Variants in CACNA1C observed in about 807,000 individuals in gnomAD.
The protein encoded by CACNA1C is voltage-dependent L-type calcium channel subunit alpha-1C.
A neutral mutation model predicts 229.0 loss-of-function variants in CACNA1C; 30 were observed. The observed-to-expected ratio is 0.13, with a 90% CI of 0.10 to 0.18. CACNA1C has a LOEUF of 0.18. CACNA1C is among the 10% of genes least tolerant of loss of function. The probability of loss-of-function intolerance (pLI) is 1.00; values close to 1 mark genes in which losing one functional copy is unlikely to be tolerated. For missense variants in CACNA1C, 1,658 were observed against 2,845.0 expected, an observed-to-expected ratio of 0.58 and a Z score of 9.49; for synonymous variants, 1,114 against 1,132.5, an observed-to-expected ratio of 0.98 and a Z score of 0.33.
chr12:2,139,790 G>A (rs781584702), intron 3 of CACNA1C, among the ~76,000 whole-genome samples: 4 of 151,326 alleles, frequency 2.6e-5, no homozygotes, highest in Non-Finnish European at 5.9e-5. Context: ...TCAGACATGC[G>A]CCCTAAAGAT....
At chr12:2,451,086 T>G (rs1285120821) in intron 4 of CACNA1C, among the ~76,000 whole-genome samples, 1 of 152,162 alleles carries the variant, frequency 6.6e-6, no homozygotes, top group East Asian at 1.9e-4. Flanking sequence ...TCAGGAATAT[T>G]TGGGTGATAC....
At chr12:2,433,349 G>T (rs1319056139) in intron 3 of CACNA1C, among the ~76,000 whole-genome samples, 2 of 152,174 alleles carry the variant, frequency 1.3e-5, no homozygotes, top group South Asian at 2.1e-4. Context: ...GTCTTAGCCT[G>T]GGTAAGCCCA....
intron 3 of CACNA1C, among the ~76,000 whole-genome samples, chr12:2,407,364 G>A (rs1032556550): frequency 2.1e-5 from 2 of 95,366 alleles, no homozygotes; most frequent in Non-Finnish European, 4.6e-5. Context: ...AGTGGACATC[G>A]TCTCCACCGA....
In CACNA1C at chr12:2,663,735, C is replaced by CTTT. The variant is rs55933898; in HGVS notation, c.4233-1068_4233-1066dup. Among the ~76,000 whole-genome samples, 286 of 103,822 alleles carry CTTT rather than the reference C, an allele frequency of 2.8e-3. 2 individuals carry two copies. The highest frequency in any genetic ancestry group is 5.3e-3 in the African/African-American group (132 of 25,004). 68.1% of individuals were successfully genotyped at this position (103,822 alleles called of 152,430 possible). On this transcript the variant is annotated intron_variant, in intron 34 of 46. Coordinates refer to ENST00000399655, the MANE Select transcript of CACNA1C (RefSeq NM_000719.7). Reference sequence around the variant, plus strand: ...TAAAAAAGAATAGAGAATAGAGTATCTTTTTTTTTTTTTTTTTTTTTTTTG... The same window carrying CTTT: ...TAAAAAAGAATAGAGAATAGAGTATCTTTTTTTTTTTTTTTTTTTTTTTTTTTG...
intron 3 of CACNA1C, among the ~76,000 whole-genome samples, chr12:2,434,729 C>T (rs926244627): frequency 2.0e-5 from 3 of 152,204 alleles, no homozygotes; most frequent in African/African-American, 7.2e-5. Context: ...TTCATTCTTC[C>T]AGCCGTTCTG....
chr12:2,212,928 C>T (rs2154340041), intron 3 of CACNA1C, among the ~76,000 whole-genome samples: 1 of 152,248 alleles, frequency 6.6e-6, no homozygotes, highest in South Asian at 2.1e-4. Flanking sequence ...ATTGCATGTC[C>T]CTTGGAGATA....
Position 2,655,162 on chromosome 12 carries a change from G to T in CACNA1C, c.4156G>T (p.Ala1386Ser), listed in dbSNP as rs370247532. The change falls in exon 34 of 47, where the codon GCC becomes TCC. Residue 1386 changes from alanine to serine, a missense_variant. Coordinates refer to ENST00000399655, the MANE Select transcript of CACNA1C (RefSeq NM_000719.7). ...TCTCTCCTAGGTGTTTGGGAAAATTGCCCTGAATGATACCACAGAGATCAA... is the reference window on the plus strand; with the variant it reads ...TCTCTCCTAGGTGTTTGGGAAAATTTCCCTGAATGATACCACAGAGATCAA... ...VIGMQVFGKI[A>S]LNDTTEINRN... 1.2e-6 allele frequency: 2 copies of T among 1,611,650 alleles called. No individual in the cohort carries two copies. Among genetic ancestry groups the T allele is most frequent in the African/African-American group, 2.7e-5 (2 of 74,822 alleles).
At chr12:2,402,466 C>T (rs995386178) in intron 3 of CACNA1C, among the ~76,000 whole-genome samples, 5 of 152,186 alleles carry the variant, frequency 3.3e-5, no homozygotes, top group African/African-American at 9.7e-5. Context: ...GCACTGCAGG[C>T]GGTGTGAATG....
chr12:2,394,674 T>C (rs1439527737), intron 3 of CACNA1C, among the ~76,000 whole-genome samples: 3 of 152,112 alleles, frequency 2.0e-5, no homozygotes, highest in African/African-American at 7.2e-5. Flanking sequence ...TGGCATCAAG[T>C]AGGAAGGGCC....
intron 43 of CACNA1C, among the ~76,000 whole-genome samples, chr12:2,684,987 T>G (rs539317408): frequency 2.0e-5 from 3 of 152,256 alleles, no homozygotes; most frequent in East Asian, 3.9e-4. Flanking sequence ...CAGCTGTGCT[T>G]CTTGAACTGC....
intron 3 of CACNA1C, among the ~76,000 whole-genome samples, chr12:2,259,818 C>A (rs1180152315): frequency 6.6e-6 from 1 of 152,138 alleles, no homozygotes; most frequent in African/African-American, 2.4e-5. Context: ...TGCCTTTGGT[C>A]CTAGCTACTT....
intron 22 of CACNA1C, among the ~76,000 whole-genome samples, chr12:2,603,962 C>T (rs116029593): frequency 0.014 from 2,178 of 152,190 alleles, 56 homozygotes; most frequent in African/African-American, 0.05. Flanking sequence ...GTGAATGGAC[C>T]GAGTGGGGAA....
At chr12:2,587,051 A>T (rs215977) in intron 18 of CACNA1C, among the ~76,000 whole-genome samples, 35,658 of 152,148 alleles carry the variant, frequency 0.23, 4,749 homozygotes, top group African/African-American at 0.36. Context: ...TTAGAGGGAA[A>T]TGGGGGAAAT....
intron 3 of CACNA1C, among the ~76,000 whole-genome samples, chr12:2,227,874 T>C (rs2063488254): frequency 6.6e-6 from 1 of 152,172 alleles, no homozygotes; most frequent in Non-Finnish European, 1.5e-5. Flanking sequence ...ACTTACAACT[T>C]TGACTTGATG....
chr12:2,325,375 A>C (rs571091716), intron 3 of CACNA1C, among the ~76,000 whole-genome samples: 1 of 152,268 alleles, frequency 6.6e-6, no homozygotes, highest in East Asian at 1.9e-4. Flanking sequence ...TTGTTTTCAC[A>C]GAGGCAACGT....
intron 18 of CACNA1C, among the ~76,000 whole-genome samples, chr12:2,592,997 C>G (rs2066145553): frequency 2.0e-5 from 3 of 152,100 alleles, no homozygotes. Flanking sequence ...GTTGGTCGCC[C>G]TACTTACAAT....
At position 2,677,069 on chromosome 12, in the gene CACNA1C, C is replaced by A; in HGVS notation, c.4829-25C>A. 1.2e-6 allele frequency: 2 copies of A among 1,606,976 alleles called. No individual in the cohort carries two copies. The highest frequency in any genetic ancestry group is 1.1e-5 in the South Asian group (1 of 89,918). ...GAATTCCCCTGCTCCCCTCTTACCC[C>A]CTCTCCCCTCTCCATACGTCTCAGA... On this transcript the variant is annotated intron_variant, in intron 39 of 46. Coordinates refer to ENST00000399655, the MANE Select transcript of CACNA1C (RefSeq NM_000719.7). The surrounding 1 kb of genome is among the most constrained non-coding windows in gnomAD (Gnocchi z 7.4).
intron 7 of CACNA1C, among the ~76,000 whole-genome samples, chr12:2,498,160 C>T (rs2154575008): frequency 6.6e-6 from 1 of 152,344 alleles, no homozygotes; most frequent in Non-Finnish European, 1.5e-5. Flanking sequence ...TATAGAGTTG[C>T]TGAAGGCTTC....
At position 2,602,630 on chromosome 12, in the gene CACNA1C, T is replaced by TTGTGTGTGTG. The variant is rs3062140; in HGVS notation, c.2960+701_2960+710dup. On this transcript the variant is annotated intron_variant, in intron 22 of 46. Coordinates refer to ENST00000399655, the MANE Select transcript of CACNA1C (RefSeq NM_000719.7). This position sits in a 1 kb window ranked among gnomAD's most constrained non-coding sequence, Gnocchi z 4.4. ...GTGTGTGACTGTGTATATTTGTGTC[T>TTGTGTGTGTG]TGTGTGTGTGTGTGTGTGTGTGTGT... is the stretch of plus-strand genomic sequence containing the variant. Among the ~76,000 whole-genome samples, 7 of 140,794 alleles carry TTGTGTGTGTG rather than the reference T, an allele frequency of 5.0e-5. No homozygotes were observed. The highest frequency in any genetic ancestry group is 1.4e-4 in the African/African-American group (5 of 36,118). 92.4% of individuals were successfully genotyped at this position (140,794 alleles called of 152,430 possible). A position where few individuals can be genotyped will look rare whatever the true frequency, so the allele number is the denominator to read the frequency against.
Sources: gnomAD v4.1 joint callset for allele counts (sites outside exome capture counted in the v4.1 genomes callset) on GRCh38, gnomAD v4.1.1 for gene constraint, Gnocchi (gnomAD v3.1) non-coding constraint, MANE v1.5 for transcripts, NCBI Gene and HGNC (gene_info 2026-07-23, HGNC 2026-07-21) for gene names.